RBFOX1: variants seen among roughly 807,000 people sequenced by gnomAD.
The protein encoded by RBFOX1 is RNA binding fox-1 homolog 1.
In RBFOX1, 8 loss-of-function variants were observed where a neutral mutation model predicts 57.7. The ratio of observed to expected loss-of-function variants is 0.14; its 90% CI spans 0.08 to 0.25. The LOEUF is 0.25. Ranked by LOEUF, RBFOX1 falls within the 10% of genes least tolerant of loss-of-function variation. The pLI, the probability that RBFOX1 is intolerant of heterozygous loss-of-function variation, is 1.00. For synonymous variants in RBFOX1, 326 were observed against 222.4 expected, an observed-to-expected ratio of 1.47 and a Z score of -4.15; for missense variants, 611 against 548.5, an observed-to-expected ratio of 1.11 and a Z score of -1.14.
intron 4 of RBFOX1, among the ~76,000 whole-genome samples, chr16:5,913,340 G>T (rs575351905): frequency 6.6e-6 from 1 of 152,140 alleles, no homozygotes; most frequent in Non-Finnish European, 1.5e-5. Context: ...AATCTCATTC[G>T]GAAATGTGAT....
intron 3 of RBFOX1, among the ~76,000 whole-genome samples, chr16:6,853,911 A>T (rs1287870155): frequency 6.6e-6 from 1 of 152,178 alleles, no homozygotes; most frequent in Non-Finnish European, 1.5e-5. Flanking sequence ...TATGCAAATA[A>T]TTAGCTCTTC....
chr16:7,429,942 A>T, intron 4 of RBFOX1, among the ~76,000 whole-genome samples: 1 of 152,196 alleles, frequency 6.6e-6, no homozygotes, highest in East Asian at 1.9e-4. Flanking sequence ...GGGACTTGTG[A>T]CAGTGTTGCA....
chr16:5,436,144 C>T (rs1272647353), intron 1 of RBFOX1, among the ~76,000 whole-genome samples: 1 of 152,180 alleles, frequency 6.6e-6, no homozygotes, highest in Non-Finnish European at 1.5e-5. Context: ...AGGAGACACC[C>T]ATTGCTCCCT....
At position 7,023,564 on chromosome 16, in the gene RBFOX1, TAAAAAAAAAAAAAAAAAAAA is replaced by T. The variant is rs34056673; in HGVS notation, c.-15-28482_-15-28463del. ...CAACATGGTGAAACTTCGTCTGTACTAAAAAAAAAAAAAAAAAAAAAAAAAAAAAATTAGCTTGCCATAGT... is the reference window on the plus strand; with the variant it reads ...CAACATGGTGAAACTTCGTCTGTACTAAAAAAAAAATTAGCTTGCCATAGT... On this transcript the variant is annotated intron_variant, in intron 3 of 15. Transcript: ENST00000550418. 1.8e-4 allele frequency among the ~76,000 whole-genome samples: 8 copies of T among 43,928 alleles called. No individual in the cohort carries two copies. The South Asian group carries it at 7.6e-3, about 42-fold the overall frequency. The allele number at this position is 43,928 out of a possible 152,430, so 28.8% of individuals were successfully genotyped here. A position where few individuals can be genotyped will look rare whatever the true frequency, so the allele number is the denominator to read the frequency against.
At chr16:5,540,480 G>C (rs2044886390) in intron 2 of RBFOX1, among the ~76,000 whole-genome samples, 2 of 152,122 alleles carry the variant, frequency 1.3e-5, no homozygotes, top group African/African-American at 4.8e-5. Flanking sequence ...TAAGTTTGGG[G>C]AATATTACAC....
intron 13 of RBFOX1, among the ~76,000 whole-genome samples, chr16:7,668,377 A>ACAGATATCTTGAAATTG (rs2070149308): frequency 6.6e-6 from 1 of 152,180 alleles, no homozygotes; most frequent in Non-Finnish European, 1.5e-5. Flanking sequence ...ACAGATGATC[A>ACAGATATCTTGAAATTG]CAGATATCTT....
chr16:7,056,012 C>A (rs984759055), intron 4 of RBFOX1, among the ~76,000 whole-genome samples: 1 of 152,100 alleles, frequency 6.6e-6, no homozygotes, highest in African/African-American at 2.4e-5. Flanking sequence ...ACTTTTCTAC[C>A]CATCTTGGCA....
intron 4 of RBFOX1, 135 bp from the exon 5 acceptor site, chr16:7,518,012 A>G (rs575792895): frequency 1.5e-5 from 16 of 1,092,904 alleles, no homozygotes; most frequent in South Asian, 6.7e-5. Context: ...AGATTGGTCC[A>G]TCTCAGGCTG....
chr16:6,244,874 G>C (rs1275528842), intron 1 of RBFOX1, among the ~76,000 whole-genome samples: 1 of 152,054 alleles, frequency 6.6e-6, no homozygotes, highest in East Asian at 1.9e-4. Flanking sequence ...CTCTCCTGCT[G>C]GTCTGTTTTG....
intron 3 of RBFOX1, among the ~76,000 whole-genome samples, chr16:7,007,727 C>T (rs17142001): frequency 6.6e-6 from 1 of 152,174 alleles, no homozygotes; most frequent in Non-Finnish European, 1.5e-5. Context: ...ACAGGGTAAA[C>T]TCCCATGAAA....
chr16:6,981,775 C>T (rs192808580), intron 3 of RBFOX1, among the ~76,000 whole-genome samples: 1 of 152,228 alleles, frequency 6.6e-6, no homozygotes, highest in African/African-American at 2.4e-5. Context: ...CTGGTTCCCC[C>T]AGGACATGTG....
chr16:6,220,804 C>A (rs2097368233), intron 1 of RBFOX1, among the ~76,000 whole-genome samples: 1 of 151,784 alleles, frequency 6.6e-6, no homozygotes, highest in Non-Finnish European at 1.5e-5. Context: ...TGCCTTTCTT[C>A]CACCCTCAGA....
At chr16:6,937,982 G>A (rs1227927089) in intron 3 of RBFOX1, among the ~76,000 whole-genome samples, 3 of 110,248 alleles carry the variant, frequency 2.7e-5, no homozygotes, top group Non-Finnish European at 5.2e-5. Context: ...TAGATGGGTG[G>A]GGGTGGGGGG....
At chr16:5,843,883 C>T (rs2056687627) in intron 3 of RBFOX1, among the ~76,000 whole-genome samples, 1 of 152,178 alleles carries the variant, frequency 6.6e-6, no homozygotes, top group African/African-American at 2.4e-5. Flanking sequence ...CAGCAAGCTC[C>T]AACAAGCGCA....
intron 5 of RBFOX1, among the ~76,000 whole-genome samples, chr16:7,550,499 G>A (rs2086019950): frequency 6.6e-6 from 1 of 152,108 alleles, no homozygotes; most frequent in South Asian, 2.1e-4. Flanking sequence ...TGGGGGCACT[G>A]TATCAATAAA....
At chr16:5,938,161 G>C (rs73521361) in intron 4 of RBFOX1, among the ~76,000 whole-genome samples, 1 of 151,894 alleles carries the variant, frequency 6.6e-6, no homozygotes, top group South Asian at 2.1e-4. Context: ...CAGAAAACCT[G>C]GAACCAAAAA....
At chr16:6,409,879 T>A (rs2093402173) in intron 2 of RBFOX1, among the ~76,000 whole-genome samples, 1 of 152,114 alleles carries the variant, frequency 6.6e-6, no homozygotes, top group Non-Finnish European at 1.5e-5. Context: ...GTGGCTGTGC[T>A]CTTGGAGGGT....
chr16:5,311,129 A>G (rs1047993925), intron 1 of RBFOX1, among the ~76,000 whole-genome samples: 7 of 152,186 alleles, frequency 4.6e-5, no homozygotes, highest in Non-Finnish European at 1.0e-4. Flanking sequence ...ACTTAGAATA[A>G]TGGCCTCTAG....
At chr16:6,418,032 C>G (rs1040791408) in intron 2 of RBFOX1, among the ~76,000 whole-genome samples, 6 of 152,252 alleles carry the variant, frequency 3.9e-5, no homozygotes, top group African/African-American at 7.2e-5. Flanking sequence ...ACAGGCCAAG[C>G]CTTCAAACAA....
Sources: allele counts gnomAD v4.1 joint callset (sites outside exome capture counted in the v4.1 genomes callset), GRCh38; gene constraint gnomAD v4.1.1; transcripts MANE v1.5; gene names NCBI Gene and HGNC (gene_info 2026-07-23, HGNC 2026-07-21).